SH3BP1: variants seen among roughly 807,000 people sequenced by gnomAD.
SH3BP1 encodes the protein SH3 domain binding protein 1.
SH3BP1 carries 46 observed loss-of-function variants against 69.8 expected under a neutral mutation model. The observed-to-expected ratio is 0.66, with a 90% confidence interval of 0.52 to 0.84. The LOEUF is 0.84. Among genes scored for constraint, SH3BP1 ranks in the 40% least tolerant of loss-of-function variants. The pLI, the probability that SH3BP1 is intolerant of heterozygous loss-of-function variation, is 0.00. For missense variants in SH3BP1, 868 were observed against 930.9 expected (o/e 0.93, Z 0.88); for synonymous variants, 403 against 378.0 (o/e 1.07, Z -0.77).
chr22:37,645,130 T>G, intron 9 of SH3BP1, 170 bp downstream of exon 9: 1 of 836,222 alleles, frequency 1.2e-6, no homozygotes. Context: ...GAGGGTGGAG[T>G]GAAGCGGGCA....
chr22:37,650,676 C>T lies in SH3BP1; in HGVS notation c.1549C>T (p.Pro517Ser). 1.2e-6 allele frequency: 2 copies of T among 1,613,472 alleles called. No individual in the cohort carries two copies. Among genetic ancestry groups the T allele is most frequent in the Non-Finnish European group, 1.7e-6 (2 of 1,179,718 alleles). ...CACCACCCCGGCTCCGGCTCCGGCT[C>T]CAGCTCCAGCTCCGGCCCCAGCCTT... ...PATTPAPAPA[P>S]APAPAPALAS... The change falls in exon 16 of 18, where the codon CCA becomes TCA. Residue 517 changes from proline to serine, a missense_variant. Transcript: ENST00000649765.
chr22:37,649,946 GATTA>G (rs1932846967), intron 14 of SH3BP1: 1 of 683,726 alleles, frequency 1.5e-6, no homozygotes, highest in Admixed American at 2.1e-5. Context: ...AAGGGTCCTT[GATTA>G]ATTAGTGATG....
At chr22:37,643,230 C>A in intron 6 of SH3BP1, 56 bp downstream of exon 6, 2 of 1,484,312 alleles carry the variant, frequency 1.3e-6, no homozygotes, top group South Asian at 1.2e-5. Flanking sequence ...CAGAGATGGT[C>A]ATAGAGCTTT....
At chr22:37,650,465 G>A in intron 15 of SH3BP1, 77 bp from the exon 16 acceptor site, 2 of 1,539,662 alleles carry the variant, frequency 1.3e-6, no homozygotes, top group Non-Finnish European at 1.8e-6. Context: ...TTCAGGGGAA[G>A]GGGAAACGGT....
intron 3 of SH3BP1, 86 bp downstream of exon 3, chr22:37,641,564 C>G: frequency 8.6e-7 from 1 of 1,161,998 alleles, no homozygotes; most frequent in Non-Finnish European, 1.2e-6. Flanking sequence ...GGTTTCCTTG[C>G]CAGTCTGAGT....
intron 1 of SH3BP1, 91 bp downstream of exon 1, chr22:37,639,937 G>T: frequency 1.1e-6 from 1 of 918,362 alleles, no homozygotes; most frequent in South Asian, 1.7e-5. Context: ...GGGGGAGGCT[G>T]GGGACAGCTG....
chr22:37,645,341 C>T lies in SH3BP1; in HGVS notation c.779-24C>T, dbSNP rs369639023. ...TGCTCGGGGTGGGAAGGCCCTGGGC[C>T]GCTGATCTGTTTCATCCCTGCAGAC... On this transcript the variant is annotated intron_variant, in intron 9 of 17. Transcript: ENST00000649765. 1.4e-5 allele frequency: 23 copies of T among 1,589,352 alleles called. No individual in the cohort carries two copies. In the African/African-American group the frequency reaches 2.3e-4, roughly 16 times the overall value.
chr22:37,655,973 G>T lies in SH3BP1; in HGVS notation c.*289G>T. 6.5e-7 allele frequency: 1 copy of T among 1,536,832 alleles called. No individual in the cohort carries two copies. Among genetic ancestry groups the T allele is most frequent in the Non-Finnish European group, 8.8e-7 (1 of 1,141,022 alleles). ...GAAGGAGAGGTTTGCCTGCTCCTAC[G>T]GGACTGATTCTTCTCTTGCCGACAT... On this transcript the variant is annotated 3_prime_UTR_variant, in exon 18 of 18. Transcript: ENST00000649765.
rs1932729702 is a variant in SH3BP1, at chr22:37,644,225, A to G, written c.619-412A>G. On this transcript the variant is annotated intron_variant, in intron 7 of 17. Transcript: ENST00000649765. The stretch of plus-strand genomic sequence containing the variant: ...AAACCCTGTCTCTACTAAAAATACA[A>G]AAACTTAGCTGGGCGTAGTGGCGGG... Among the ~76,000 whole-genome samples the G allele has an allele frequency of 1.3e-5, 2 of 152,160 alleles. 1 individual carries two copies. Among genetic ancestry groups the G allele is most frequent in the South Asian group, 4.1e-4 (2 of 4,824 alleles).
Position 37,644,924 on chromosome 22 carries a change from G to A in SH3BP1, c.742G>A (p.Ala248Thr), listed in dbSNP as rs371346678. 3 of 1,613,918 alleles carry A rather than the reference G, an allele frequency of 1.9e-6. No individual in the cohort carries two copies. In the African/African-American group the frequency reaches 4.0e-5, roughly 22 times the overall value. ...HRRSLSSLDT[A>T]LAELRENHGQ... The stretch of plus-strand genomic sequence containing the variant: ...CAGGTCACTGAGCTCGCTGGACACA[G>A]CCCTGGCTGAGCTGAGGGAGAACCA... Residue 248 changes from alanine to threonine, a missense_variant, in exon 9 of 18, where the codon GCC (alanine) becomes ACC (threonine). Coordinates refer to ENST00000649765, the MANE Select transcript of SH3BP1 (RefSeq NM_018957.6).
intron 17 of SH3BP1, 88 bp downstream of exon 17, chr22:37,653,961 A>G: frequency 2.1e-6 from 2 of 965,424 alleles, no homozygotes; most frequent in Non-Finnish European, 3.2e-6. Flanking sequence ...CTTTTTAGGC[A>G]GCCAGGGGAG....
intron 16 of SH3BP1, among the ~76,000 whole-genome samples, chr22:37,652,106 C>T (rs376053789): frequency 9.3e-5 from 14 of 150,526 alleles, no homozygotes; most frequent in South Asian, 2.1e-4. Context: ...CAGGCGAGAT[C>T]GAGACCATCC....
chr22:37,645,339 G>T (rs771858568), intron 9 of SH3BP1, 26 bp from the exon 10 acceptor site: 2 of 1,588,778 alleles, frequency 1.3e-6, no homozygotes, highest in South Asian at 1.1e-5. Context: ...AAGGCCCTGG[G>T]CCGCTGATCT....
At chr22:37,654,144 G>A (rs928471468) in intron 17 of SH3BP1, among the ~76,000 whole-genome samples, 1 of 152,212 alleles carries the variant, frequency 6.6e-6, no homozygotes, top group Non-Finnish European at 1.5e-5. Context: ...TGGTGCTGCA[G>A]GAAGAGTGCC....
intron 5 of SH3BP1, 35 bp downstream of exon 5, chr22:37,643,041 C>T: frequency 6.2e-7 from 1 of 1,610,056 alleles, no homozygotes; most frequent in South Asian, 1.1e-5. Context: ...CCCCAGCTTC[C>T]CCAGCTTCTG....
rs1190051965 is a variant in SH3BP1 at position 37,643,680 on chromosome 22, A to T, written c.510A>T (p.Gln170His). ...SQATKNSGSSQGLGGSPGSHS... is the reference protein window; with the variant it reads ...SQATKNSGSSHGLGGSPGSHS... ...CAACCAAGAATTCAGGCAGCAGTCA[A>T]GGCCTAGGAGGCAGCCCGGGTAGTC... The change falls in exon 7 of 18, where the codon CAA (glutamine) becomes CAT (histidine). Residue 170 changes from glutamine (Q) to histidine (H), a missense_variant. By Grantham distance (24) the Gln-to-His change is conservative. Transcript: ENST00000649765. 2 of 1,614,082 alleles carry T rather than the reference A, an allele frequency of 1.2e-6. No homozygotes were observed. The highest frequency in any genetic ancestry group is 2.7e-5 in the African/African-American group (2 of 74,944).
chr22:37,644,936 C>G lies in SH3BP1; in HGVS notation c.754C>G (p.Leu252Val), dbSNP rs1932756323. The change falls in exon 9 of 18, where the codon CTG becomes GTG. Residue 252 changes from leucine (L) to valine (V), a missense_variant. By Grantham distance (32) the Leu-to-Val change is conservative. Transcript: ENST00000649765. ...LSSLDTALAE[L>V]RENHGQADHS... The stretch of plus-strand genomic sequence containing the variant: ...CTCGCTGGACACAGCCCTGGCTGAG[C>G]TGAGGGAGAACCACGGCCAAGCAGG... The G allele has an allele frequency of 6.2e-7, 1 of 1,613,852 alleles. No homozygotes were observed. Among genetic ancestry groups the G allele is most frequent in the Non-Finnish European group, 8.5e-7 (1 of 1,180,020 alleles).
At chr22:37,648,005 T>C (rs1443657985) in intron 13 of SH3BP1, among the ~76,000 whole-genome samples, 1 of 152,210 alleles carries the variant, frequency 6.6e-6, no homozygotes, top group East Asian at 1.9e-4. Context: ...ATGCGAAGCA[T>C]TGAAATAAAT....
In SH3BP1 at chr22:37,641,111, C is replaced by CG. The variant is rs1932572809; in HGVS notation, c.60-15_60-14insG. ...GCAGAAGCACTCTCCCCCCCCCCCC[C>CG]ACCACTCCCCGCAGCACCCCGGAGA... On this transcript the variant is annotated splice_polypyrimidine_tract_variant and intron_variant, in intron 1 of 17. Transcript: ENST00000649765. 6 of 1,359,314 alleles carry CG rather than the reference C, an allele frequency of 4.4e-6. No individual in the cohort carries two copies. The highest frequency in any genetic ancestry group is 2.1e-5 in the Admixed American group (1 of 48,152). 84.2% of individuals were successfully genotyped at this position (1,359,314 alleles called of 1,614,324 possible). A position where few individuals can be genotyped will look rare whatever the true frequency, so the allele number is the denominator to read the frequency against.
Sources: allele counts gnomAD v4.1 joint callset (sites outside exome capture counted in the v4.1 genomes callset), GRCh38; gene constraint gnomAD v4.1.1; transcripts MANE v1.5; gene names NCBI Gene and HGNC (gene_info 2026-07-23, HGNC 2026-07-21).